Variants in FARS2 observed in about 807,000 individuals in gnomAD.
FARS2 encodes phenylalanine--tRNA ligase, mitochondrial.
In FARS2, 40 loss-of-function variants were observed where a neutral mutation model predicts 46.4. That is an observed-to-expected ratio of 0.86 (90% CI 0.67 to 1.12). The LOEUF (loss-of-function observed/expected upper bound fraction) is 1.12, where lower values mean the gene tolerates loss of function less well. Among genes scored for constraint, FARS2 ranks in the 50% most tolerant of loss-of-function variants. FARS2 has a pLI of 0.00. For synonymous variants in FARS2, 234 were observed against 214.9 expected (o/e 1.09, Z -0.78); for missense variants, 513 against 567.9 (o/e 0.90, Z 0.98).
At chr6:5,396,231 T>C (rs1760890990) in intron 2 of FARS2, among the ~76,000 whole-genome samples, 2 of 152,200 alleles carry the variant, frequency 1.3e-5, no homozygotes, top group Non-Finnish European at 2.9e-5. Flanking sequence ...TTAAAGGCTA[T>C]TTTTATCTTT....
intron 4 of FARS2, among the ~76,000 whole-genome samples, chr6:5,529,992 C>A (rs1769721994): frequency 6.6e-6 from 1 of 152,220 alleles, no homozygotes; most frequent in South Asian, 2.1e-4. Flanking sequence ...TGAGTAAACC[C>A]AGCTGAGAGC....
intron 2 of FARS2, among the ~76,000 whole-genome samples, chr6:5,378,482 C>G (rs1359301126): frequency 6.6e-6 from 1 of 152,156 alleles, no homozygotes; most frequent in Non-Finnish European, 1.5e-5. Context: ...TCACTGGAAC[C>G]CTCCTGTTCT....
At chr6:5,295,076 T>C (rs1767761927) in intron 1 of FARS2, among the ~76,000 whole-genome samples, 2 of 152,130 alleles carry the variant, frequency 1.3e-5, no homozygotes, top group South Asian at 4.1e-4. Context: ...AAAACCAATA[T>C]ACCTCTTAAC....
intron 3 of FARS2, among the ~76,000 whole-genome samples, chr6:5,408,123 A>G (rs1257281247): frequency 2.6e-5 from 4 of 152,184 alleles, no homozygotes; most frequent in Non-Finnish European, 2.9e-5. Flanking sequence ...CAGGCATCAC[A>G]ATATTGAATA....
intron 3 of FARS2, among the ~76,000 whole-genome samples, chr6:5,423,557 G>C (rs1448718387): frequency 6.6e-6 from 1 of 152,094 alleles, no homozygotes; most frequent in African/African-American, 2.4e-5. Context: ...GAAATCGCCT[G>C]CCTTTTATTT....
chr6:5,315,858 A>G (rs1055016634), intron 1 of FARS2, among the ~76,000 whole-genome samples: 2 of 152,212 alleles, frequency 1.3e-5, no homozygotes, highest in Non-Finnish European at 2.9e-5. Flanking sequence ...TGACCATGAT[A>G]AACTACCATC....
chr6:5,629,797 GA>G (rs2150715994), intron 6 of FARS2, among the ~76,000 whole-genome samples: 1 of 152,146 alleles, frequency 6.6e-6, no homozygotes, highest in South Asian at 2.1e-4. Context: ...CTTGTGGGGA[GA>G]AGCTGACAAT....
intron 1 of FARS2, among the ~76,000 whole-genome samples, chr6:5,307,726 T>G (rs1581743836): frequency 1.3e-5 from 2 of 152,074 alleles, no homozygotes; most frequent in Non-Finnish European, 2.9e-5. Context: ...CTACTTGATT[T>G]CCTGTTTTAT....
intron 3 of FARS2, among the ~76,000 whole-genome samples, chr6:5,411,691 T>C (rs1404456860): frequency 6.6e-6 from 1 of 152,232 alleles, no homozygotes; most frequent in East Asian, 1.9e-4. Context: ...TCAGGTTTTT[T>C]TCCTGTCCAA....
chr6:5,477,988 C>A (rs1766222803), intron 4 of FARS2, among the ~76,000 whole-genome samples: 1 of 152,146 alleles, frequency 6.6e-6, no homozygotes, highest in Non-Finnish European at 1.5e-5. Context: ...CCACTGAACT[C>A]CAGCCTGGGT....
intron 3 of FARS2, among the ~76,000 whole-genome samples, chr6:5,407,043 T>TTATATATATATATATATAGATATATA (rs1761644391): frequency 1.2e-5 from 1 of 83,904 alleles, no homozygotes; most frequent in African/African-American, 4.9e-5. Context: ...AGGTGGCAAA[T>TTATATATATATATATATAGATATATA]TATATATATA....
rs1459452433 is a variant in FARS2 at position 5,562,664 on chromosome 6, A to G, written c.1065+17324A>G. 2.7e-5 allele frequency among the ~76,000 whole-genome samples: 4 copies of G among 150,712 alleles called. No individual in the cohort carries two copies. In the East Asian group the frequency reaches 7.8e-4, roughly 29 times the overall value. ...GTAAGTCAGTCAAATGGATATTCTT[A>G]AAATGACAACCTTGACTCCACTGTA... On this transcript the variant is annotated intron_variant, in intron 5 of 6. Transcript: ENST00000274680.
chr6:5,260,152 A>T (rs7771066), upstream of FARS2, among the ~76,000 whole-genome samples: 14,373 of 152,136 alleles, frequency 0.094, 877 homozygotes, highest in African/African-American at 0.17. Flanking sequence ...AATAGAATGG[A>T]TTCTTGCAAC....
intron 4 of FARS2, among the ~76,000 whole-genome samples, chr6:5,513,920 T>C (rs1768612672): frequency 6.6e-6 from 1 of 151,292 alleles, no homozygotes; most frequent in Admixed American, 6.6e-5. Context: ...CTTTAGGTTA[T>C]CTAAAAAAAA....
chr6:5,763,276 A>C (rs920444925), intron 6 of FARS2, among the ~76,000 whole-genome samples: 5 of 152,006 alleles, frequency 3.3e-5, no homozygotes, highest in African/African-American at 1.2e-4. Context: ...ACATAGCGAG[A>C]CCCTGTCTCT....
intron 4 of FARS2, among the ~76,000 whole-genome samples, chr6:5,540,894 A>G (rs189010871): frequency 1.2e-4 from 18 of 152,338 alleles, no homozygotes; most frequent in Admixed American, 3.9e-4. Context: ...AAGATCCGCT[A>G]TATTATGACA....
chr6:5,432,352 T>TA (rs1562036601), intron 4 of FARS2, among the ~76,000 whole-genome samples: 26 of 21,564 alleles, frequency 1.2e-3, no homozygotes, highest in Non-Finnish European at 1.7e-3. Context: ...ATATATATAT[T>TA]ATATATATAT....
intron 4 of FARS2, among the ~76,000 whole-genome samples, chr6:5,473,552 A>AAC (rs1360479023): frequency 1.9e-4 from 29 of 150,092 alleles, no homozygotes; most frequent in Non-Finnish European, 3.7e-4. Context: ...AAACAAAAAA[A>AAC]AAAAACAAAA....
chr6:5,471,230 G>C lies in FARS2; in HGVS notation c.904+40058G>C, dbSNP rs752858140. Among the ~76,000 whole-genome samples the C allele has an allele frequency of 1.3e-5, 2 of 152,174 alleles. No homozygotes were observed. The highest frequency in any genetic ancestry group is 4.8e-5 in the African/African-American group (2 of 41,430). ...TTGAGGAGCTAAAAATGAATTGCAC[G>C]TATTAATTAAGTCTTGCCGAGGCCT... is the stretch of plus-strand genomic sequence containing the variant. On this transcript the variant is annotated intron_variant, in intron 4 of 6. Coordinates refer to ENST00000274680, the MANE Select transcript of FARS2 (RefSeq NM_006567.5). The surrounding 1 kb of genome is among the most constrained non-coding windows in gnomAD (Gnocchi z 4.1).
Sources: allele counts gnomAD v4.1 joint callset (sites outside exome capture counted in the v4.1 genomes callset), GRCh38; gene constraint gnomAD v4.1.1; non-coding constraint Gnocchi (gnomAD v3.1); transcripts MANE v1.5; gene names NCBI Gene and HGNC (gene_info 2026-07-23, HGNC 2026-07-21).